Variants in TENM3 observed in about 807,000 individuals in gnomAD.
TENM3 encodes teneurin-3.
Under a neutral mutation model 255.1 loss-of-function variants are expected in TENM3, and 63 were observed. That is an observed-to-expected ratio of 0.25 (90% CI 0.20 to 0.30). The LOEUF (loss-of-function observed/expected upper bound fraction) is 0.30, where lower values mean the gene tolerates loss of function less well. Among genes scored for constraint, TENM3 ranks in the 10% least tolerant of loss-of-function variants. The pLI is 1.00. For synonymous variants in TENM3, 1,306 were observed against 1,322.3 expected (o/e 0.99, Z 0.27); for missense variants, 2,929 against 3,461.1 (o/e 0.85, Z 3.86).
chr4:182,176,632 T>C (rs780458611), intron 1 of TENM3, among the ~76,000 whole-genome samples: 2 of 152,098 alleles, frequency 1.3e-5, no homozygotes. Flanking sequence ...AGAACTCTTT[T>C]TACATATAAA....
the TENM3 span, among the ~76,000 whole-genome samples, chr4:182,122,070 C>G: frequency 6.6e-6 from 1 of 152,226 alleles, no homozygotes; most frequent in Non-Finnish European, 1.5e-5. Context: ...TTTGCTCTTC[C>G]ATAAGAAGCA....
rs753617230 is a variant in TENM3, at chr4:182,743,209, C to T, written c.3419C>T (p.Ser1140Phe). Residue 1140 changes from serine to phenylalanine, a missense_variant, in exon 19 of 28, where the codon TCC (serine) becomes TTC (phenylalanine). Physicochemically the swap from Ser to Phe is radical, Grantham distance 155. This residue lies in a region of TENM3 where 1,608 missense variants were observed against 1,884.4 expected (regional missense o/e 0.85). Coordinates refer to ENST00000511685, the MANE Select transcript of TENM3 (RefSeq NM_001080477.4). ...YKGNGENQFI[S>F]QQPPVVSSIM... ...GGAAACGGGGAAAACCAGTTCATCTCCCAGCAGCCTCCAGTCGTGAGTAGC... is the reference window on the plus strand; with the variant it reads ...GGAAACGGGGAAAACCAGTTCATCTTCCAGCAGCCTCCAGTCGTGAGTAGC... The T allele has an allele frequency of 6.2e-7, 1 of 1,613,822 alleles. No individual in the cohort carries two copies. Among genetic ancestry groups the T allele is most frequent in the Admixed American group, 1.7e-5 (1 of 60,022 alleles).
At chr4:182,076,726 T>C in the TENM3 span, among the ~76,000 whole-genome samples, 1 of 152,142 alleles carries the variant, frequency 6.6e-6, no homozygotes, top group South Asian at 2.1e-4. Context: ...GGCAAACCTT[T>C]TTGGTAAAGG....
the TENM3 span, among the ~76,000 whole-genome samples, chr4:181,726,561 T>C: frequency 2.6e-5 from 4 of 152,194 alleles, no homozygotes; most frequent in Non-Finnish European, 2.9e-5. Flanking sequence ...ATAAATTTAT[T>C]GGAGGAAAAA....
At chr4:182,762,761 C>G (rs1763311826) in intron 22 of TENM3, among the ~76,000 whole-genome samples, 2 of 152,196 alleles carry the variant, frequency 1.3e-5, no homozygotes, top group South Asian at 4.2e-4. Context: ...CTTTGGAGCT[C>G]TCTCTGGGTT....
the TENM3 span, among the ~76,000 whole-genome samples, chr4:181,651,692 G>C: frequency 6.6e-6 from 1 of 152,076 alleles, no homozygotes; most frequent in African/African-American, 2.4e-5. Context: ...AACAAGATGC[G>C]TTACATCTAA....
chr4:182,101,678 G>A, the TENM3 span, among the ~76,000 whole-genome samples: 1 of 152,096 alleles, frequency 6.6e-6, no homozygotes, highest in African/African-American at 2.4e-5. Flanking sequence ...GAGACAGGAG[G>A]AATCCGTTTT....
the TENM3 span, among the ~76,000 whole-genome samples, chr4:181,561,106 C>G: frequency 6.6e-6 from 1 of 152,092 alleles, no homozygotes; most frequent in African/African-American, 2.4e-5. Context: ...GTGTGTGCCA[C>G]CAACGTCCGG....
chr4:181,630,654 TGA>T, the TENM3 span, among the ~76,000 whole-genome samples: 3 of 152,198 alleles, frequency 2.0e-5, no homozygotes, highest in African/African-American at 7.2e-5. Context: ...CGGTTTTGAG[TGA>T]GTTTCTTAAT....
Position 182,209,252 on chromosome 4 carries a change from G to A in TENM3, c.-76+64498G>A, listed in dbSNP as rs2149877579. Among the ~76,000 whole-genome samples the A allele has an allele frequency of 2.0e-5, 3 of 150,476 alleles. No homozygotes were observed. In the South Asian group the frequency reaches 6.3e-4, roughly 32 times the overall value. On this transcript the variant is annotated intron_variant, in intron 1 of 2. Coordinates refer to the TENM3 transcript ENST00000512480. The stretch of plus-strand genomic sequence containing the variant: ...CAAAGTGCTGGGATTACAGGCGTGA[G>A]CCACCGCATCCAGCCCAGCTGTCCC...
the TENM3 span, among the ~76,000 whole-genome samples, chr4:181,568,983 T>G: frequency 6.6e-6 from 1 of 152,180 alleles, no homozygotes; most frequent in Non-Finnish European, 1.5e-5. Context: ...TGGAACAGAG[T>G]TGGCACTTAA....
intron 17 of TENM3, among the ~76,000 whole-genome samples, chr4:182,737,409 C>G (rs1390828372): frequency 6.6e-6 from 1 of 152,094 alleles, no homozygotes; most frequent in Non-Finnish European, 1.5e-5. Flanking sequence ...CTCTTTATAA[C>G]TTTACCTCCC....
At chr4:181,951,082 TAC>T in the TENM3 span, among the ~76,000 whole-genome samples, 17 of 152,158 alleles carry the variant, frequency 1.1e-4, 1 homozygote, top group Admixed American at 9.8e-4. Context: ...ATAAAGAAGA[TAC>T]AGCCATAGAT....
intron 3 of TENM3, among the ~76,000 whole-genome samples, chr4:182,443,182 A>T (rs1359391095): frequency 1.3e-5 from 2 of 152,162 alleles, no homozygotes; most frequent in East Asian, 3.9e-4. Context: ...AATACATTCA[A>T]AATACTCCCC....
Position 182,792,183 on chromosome 4 carries a change from G to A in TENM3, c.5602-91G>A. 1.7e-6 allele frequency: 2 copies of A among 1,154,794 alleles called. No individual in the cohort carries two copies. The highest frequency in any genetic ancestry group is 2.2e-5 in the Admixed American group (1 of 45,020). The allele number at this position is 1,154,794 out of a possible 1,614,324, so 71.5% of individuals were successfully genotyped here. A position where few individuals can be genotyped will look rare whatever the true frequency, so the allele number is the denominator to read the frequency against. On this transcript the variant is annotated intron_variant, in intron 25 of 27. Transcript: ENST00000511685. The surrounding 1 kb of genome is among the most constrained non-coding windows in gnomAD (Gnocchi z 6.3). ...ATTAAAATGAAAATCATTTTCTCTA[G>A]TGGAATGTTTCTGTGCATCTGTGGT...
chr4:182,141,488 T>C (rs555193801), upstream of TENM3: 62 of 139,248 alleles, frequency 4.5e-4, no homozygotes, highest in African/African-American at 1.4e-3. Flanking sequence ...GGAACTTCTT[T>C]GTGTGAGAGA....
the TENM3 span, among the ~76,000 whole-genome samples, chr4:181,552,137 T>A: frequency 6.6e-6 from 1 of 152,060 alleles, no homozygotes; most frequent in East Asian, 1.9e-4. Flanking sequence ...TTCCTGACAT[T>A]GAGCAAATAT....
chr4:182,425,769 G>A (rs928751747), intron 3 of TENM3, among the ~76,000 whole-genome samples: 1 of 152,116 alleles, frequency 6.6e-6, no homozygotes, highest in African/African-American at 2.4e-5. Flanking sequence ...CAGCGCTTTC[G>A]GAGGCCGAGG....
chr4:182,267,872 T>G (rs182149397), intron 1 of TENM3, among the ~76,000 whole-genome samples: 3 of 152,218 alleles, frequency 2.0e-5, no homozygotes, highest in Admixed American at 1.3e-4. Flanking sequence ...TCAAAAACTA[T>G]GGTACACTTG....
Sources: allele counts gnomAD v4.1 joint callset (sites outside exome capture counted in the v4.1 genomes callset), GRCh38; gene constraint gnomAD v4.1.1; regional missense constraint gnomAD v4.1.1; non-coding constraint Gnocchi (gnomAD v3.1); transcripts MANE v1.5; gene names NCBI Gene and HGNC (gene_info 2026-07-23, HGNC 2026-07-21).